Variants in LMBR1 observed in about 807,000 individuals in gnomAD.
The protein encoded by LMBR1 is limb development membrane protein 1.
Under a neutral mutation model 73.9 loss-of-function variants are expected in LMBR1, and 52 were observed. The ratio of observed to expected loss-of-function variants is 0.70; its 90% CI spans 0.56 to 0.89. The LOEUF (loss-of-function observed/expected upper bound fraction) is 0.89, where lower values mean the gene tolerates loss of function less well. Among genes scored for constraint, LMBR1 ranks in the 40% least tolerant of loss-of-function variants. LMBR1 has a pLI of 0.00. For synonymous variants in LMBR1, 215 were observed against 209.4 expected (o/e 1.03, Z -0.23); for missense variants, 539 against 579.8 (o/e 0.93, Z 0.72).
At chr7:156,801,569 T>C (rs1251602656) in intron 4 of LMBR1, among the ~76,000 whole-genome samples, 1 of 152,214 alleles carries the variant, frequency 6.6e-6, no homozygotes, top group Non-Finnish European at 1.5e-5. Context: ...GTTAAGATGC[T>C]ATCTTTTTTT....
At position 156,678,930 on chromosome 7, in the gene LMBR1, C is replaced by T. The variant is rs1804541870; in HGVS notation, c.*5148G>A. 6.6e-6 allele frequency: 1 copy of T among 152,044 alleles called. No homozygotes were observed. The highest frequency in any genetic ancestry group is 1.5e-5 in the Non-Finnish European group (1 of 68,014). The allele number at this position is 152,044 out of a possible 1,614,324, so 9.4% of individuals were successfully genotyped here. A position where few individuals can be genotyped will look rare whatever the true frequency, so the allele number is the denominator to read the frequency against. ...TCTTAGCGAATTGTGGGACTGGAGG[C>T]ATTTGATAAGAATAAAGGTTATAAT... On this transcript the variant is annotated 3_prime_UTR_variant, in exon 17 of 17. Transcript: ENST00000353442.
chr7:156,893,060 G>T lies in LMBR1; in HGVS notation c.-67C>A. 7.2e-7 allele frequency: 1 copy of T among 1,392,178 alleles called. No individual in the cohort carries two copies. 86.2% of individuals were successfully genotyped at this position (1,392,178 alleles called of 1,614,324 possible). ...TCCGCCACACCATCGTCCGCCCGCC[G>T]CAGGGGCTCGGACAGCCGCGCCGGG... On this transcript the variant is annotated 5_prime_UTR_variant, in exon 1 of 17. Coordinates refer to ENST00000353442, the MANE Select transcript of LMBR1 (RefSeq NM_022458.4).
intron 15 of LMBR1, among the ~76,000 whole-genome samples, chr7:156,691,651 T>C (rs895084824): frequency 6.6e-6 from 1 of 152,194 alleles, no homozygotes; most frequent in Non-Finnish European, 1.5e-5. Flanking sequence ...TATCAATAAA[T>C]TATATATGTT....
In LMBR1 at chr7:156,781,328, A is replaced by G. The variant is rs114639064; in HGVS notation, c.423+15061T>C. ...CACAGAAGATCCTTTATGACAGTGA[A>G]CAAAATAGGAAAGATGTACATGAAA... On this transcript the variant is annotated intron_variant, in intron 5 of 16. Coordinates refer to ENST00000353442, the MANE Select transcript of LMBR1 (RefSeq NM_022458.4). Among the ~76,000 whole-genome samples, 542 of 152,286 alleles carry G rather than the reference A, an allele frequency of 3.6e-3. 6 individuals are homozygous for G. The highest frequency in any genetic ancestry group is 0.012 in the African/African-American group (516 of 41,564).
downstream of LMBR1, chr7:156,676,977 C>A: frequency 4.0e-6 from 1 of 252,362 alleles, no homozygotes; most frequent in South Asian, 6.9e-5. Context: ...AAGTAAGTTC[C>A]AAATGTAAAA....
intron 8 of LMBR1, among the ~76,000 whole-genome samples, chr7:156,758,124 G>A (rs1485364173): frequency 6.6e-6 from 1 of 152,204 alleles, no homozygotes; most frequent in African/African-American, 2.4e-5. Context: ...GTGCTGGAAT[G>A]TGAGCTACTC....
intron 1 of LMBR1, among the ~76,000 whole-genome samples, chr7:156,888,923 G>T (rs556912826): frequency 6.6e-6 from 1 of 151,828 alleles, no homozygotes; most frequent in South Asian, 2.1e-4. Flanking sequence ...GTGCGGTGGC[G>T]CATGCCTGTA....
chr7:156,762,571 T>C (rs111590653), intron 7 of LMBR1, among the ~76,000 whole-genome samples: 4,833 of 152,266 alleles, frequency 0.032, 121 homozygotes, highest in South Asian at 0.084. Context: ...AACAAGAATA[T>C]CTAAAGGTGA....
chr7:156,676,043 G>T (rs1177160592), downstream of LMBR1, among the ~76,000 whole-genome samples: 1 of 151,826 alleles, frequency 6.6e-6, no homozygotes, highest in Admixed American at 6.6e-5. Context: ...ACTCACTTTG[G>T]GAAGCCTAGG....
At chr7:156,811,608 CA>C (rs11352812) in intron 4 of LMBR1, among the ~76,000 whole-genome samples, 57,525 of 145,990 alleles carry the variant, frequency 0.39, 11,049 homozygotes, top group East Asian at 0.47. Context: ...GACTCCGTCT[CA>C]AAAAAAAAAA....
chr7:156,880,900 G>A (rs1019718280), intron 1 of LMBR1, among the ~76,000 whole-genome samples: 6 of 152,088 alleles, frequency 3.9e-5, no homozygotes, highest in Admixed American at 6.6e-5. Flanking sequence ...CAATCCACCC[G>A]CCTCGGCTTC....
intron 15 of LMBR1, among the ~76,000 whole-genome samples, chr7:156,701,419 G>A (rs1276429983): frequency 6.6e-6 from 1 of 152,158 alleles, no homozygotes; most frequent in Non-Finnish European, 1.5e-5. Flanking sequence ...TAAATATGAT[G>A]AGTAGAAGAA....
chr7:156,863,617 T>C (rs1798036856), intron 1 of LMBR1, among the ~76,000 whole-genome samples: 1 of 152,210 alleles, frequency 6.6e-6, no homozygotes, highest in African/African-American at 2.4e-5. Flanking sequence ...TCTTAGGGGC[T>C]GTACAAATTC....
chr7:156,802,003 G>C (rs1391001669), intron 4 of LMBR1, among the ~76,000 whole-genome samples: 1 of 150,400 alleles, frequency 6.6e-6, no homozygotes, highest in Non-Finnish European at 1.5e-5. Flanking sequence ...TTTTTTTTCA[G>C]ATGGAGTCTC....
At chr7:156,758,330 T>C (rs572594027) in intron 8 of LMBR1, among the ~76,000 whole-genome samples, 1 of 152,370 alleles carries the variant, frequency 6.6e-6, no homozygotes, top group African/African-American at 2.4e-5. Context: ...GTCTAAGGCA[T>C]ACAAAAGGAT....
chr7:156,721,506 T>C (rs957339003), intron 15 of LMBR1, among the ~76,000 whole-genome samples: 3 of 152,116 alleles, frequency 2.0e-5, no homozygotes, highest in African/African-American at 7.2e-5. Flanking sequence ...TCTCCTTTTA[T>C]CACCCTGAGA....
At chr7:156,741,731 T>C (rs1328565858) in intron 9 of LMBR1, among the ~76,000 whole-genome samples, 1 of 152,164 alleles carries the variant, frequency 6.6e-6, no homozygotes, top group Admixed American at 6.5e-5. Flanking sequence ...CAGCATTGGA[T>C]AGATCTTCCA....
intron 3 of LMBR1, among the ~76,000 whole-genome samples, chr7:156,829,839 C>G (rs1343523326): frequency 6.6e-6 from 1 of 152,224 alleles, no homozygotes; most frequent in Non-Finnish European, 1.5e-5. Flanking sequence ...TCTACCTCTG[C>G]CGTCTCCAGG....
chr7:156,817,991 A>G (rs1484634657), intron 4 of LMBR1, among the ~76,000 whole-genome samples: 1 of 152,184 alleles, frequency 6.6e-6, no homozygotes, highest in African/African-American at 2.4e-5. Flanking sequence ...TTGTAATGTT[A>G]TAAACAATAC....
Sources: allele counts gnomAD v4.1 joint callset (sites outside exome capture counted in the v4.1 genomes callset), GRCh38; gene constraint gnomAD v4.1.1; transcripts MANE v1.5; gene names NCBI Gene and HGNC (gene_info 2026-07-23, HGNC 2026-07-21).